The following PDGFD variants were observed in gnomAD, a reference collection of about 807,000 sequenced individuals.
PDGFD encodes platelet-derived growth factor D.
A neutral mutation model predicts 44.7 loss-of-function variants in PDGFD; 30 were observed. The ratio of observed to expected loss-of-function variants is 0.67; its 90% CI spans 0.50 to 0.91. PDGFD has a LOEUF of 0.91. Among genes scored for constraint, PDGFD ranks in the 40% least tolerant of loss-of-function variants. PDGFD has a pLI of 0.00. For synonymous variants in PDGFD, 173 were observed against 168.4 expected, an observed-to-expected ratio of 1.03 and a Z score of -0.21; for missense variants, 445 against 457.8, an observed-to-expected ratio of 0.97 and a Z score of 0.25.
chr11:103,972,540 T>C (rs1407524953), intron 3 of PDGFD, among the ~76,000 whole-genome samples: 1 of 152,142 alleles, frequency 6.6e-6, no homozygotes, highest in African/African-American at 2.4e-5. Context: ...CTATCCTGGC[T>C]TCGTGACATT....
intron 1 of PDGFD, among the ~76,000 whole-genome samples, chr11:104,103,129 C>T (rs1861418959): frequency 6.6e-6 from 1 of 152,078 alleles, no homozygotes; most frequent in Non-Finnish European, 1.5e-5. Flanking sequence ...AGTCACTTAC[C>T]ATTTCTGTGA....
intron 3 of PDGFD, among the ~76,000 whole-genome samples, chr11:103,990,306 C>A (rs951862223): frequency 1.3e-5 from 2 of 152,202 alleles, no homozygotes; most frequent in African/African-American, 4.8e-5. Flanking sequence ...GCTTAGTGCA[C>A]TCTTCTTCCA....
chr11:104,146,214 T>A (rs1862160406), intron 1 of PDGFD, among the ~76,000 whole-genome samples: 1 of 152,218 alleles, frequency 6.6e-6, no homozygotes, highest in Admixed American at 6.5e-5. Context: ...CACACAACAT[T>A]TAATTAAATT....
chr11:104,009,672 G>A (rs1259035695), intron 1 of PDGFD, among the ~76,000 whole-genome samples: 1 of 152,042 alleles, frequency 6.6e-6, no homozygotes. Flanking sequence ...TTGTACAACA[G>A]ACCCTAAAAT....
Position 103,909,701 on chromosome 11 carries a change from G to C in PDGFD, c.1106C>G (p.Pro369Arg), listed in dbSNP as rs1857998023. 1 of 1,613,940 alleles carries C rather than the reference G, an allele frequency of 6.2e-7. No homozygotes were observed. The highest frequency in any genetic ancestry group is 8.5e-7 in the Non-Finnish European group (1 of 1,179,934). The change falls in exon 7 of 7, where the codon CCT (proline) becomes CGT (arginine). Residue 369 changes from proline (P) to arginine (R), a missense_variant. Coordinates refer to ENST00000393158, the MANE Select transcript of PDGFD (RefSeq NM_025208.5). ...RCDCICSSRP[P>R]R ...AAGGATGTGCACATTCTCTTATCGA[G>C]GTGGTCTTGAGCTGCAGATACAATC...
chr11:104,124,412 T>C (rs1861815826), intron 1 of PDGFD, among the ~76,000 whole-genome samples: 1 of 152,068 alleles, frequency 6.6e-6, no homozygotes, highest in Non-Finnish European at 1.5e-5. Context: ...AAGTCCTGTA[T>C]CAACTTCCAT....
chr11:104,020,887 T>C (rs1859939777), intron 1 of PDGFD, among the ~76,000 whole-genome samples: 1 of 152,150 alleles, frequency 6.6e-6, no homozygotes, highest in Admixed American at 6.6e-5. Flanking sequence ...AAACAAAATC[T>C]TGGATTAAGG....
chr11:104,157,144 A>G lies in PDGFD; in HGVS notation c.124+6660T>C, dbSNP rs1264706457. Among the ~76,000 whole-genome samples the G allele has an allele frequency of 2.6e-5, 4 of 152,230 alleles. 1 individual carries two copies. The highest frequency in any genetic ancestry group is 2.1e-4 in the South Asian group (1 of 4,834). ...AGACCTCAGATACAGTTACAAAATA[A>G]TATCTGCTGTGCTGAGCGCAGAGCG... On this transcript the variant is annotated intron_variant, in intron 1 of 6. Transcript: ENST00000393158.
chr11:104,023,335 G>C (rs1732183549), intron 1 of PDGFD, among the ~76,000 whole-genome samples: 1 of 152,036 alleles, frequency 6.6e-6, no homozygotes, highest in South Asian at 2.1e-4. Context: ...GGCTTTACAG[G>C]AGCTCTTGAT....
chr11:103,968,719 G>C (rs1464242676), intron 3 of PDGFD, among the ~76,000 whole-genome samples: 1 of 152,146 alleles, frequency 6.6e-6, no homozygotes, highest in Non-Finnish European at 1.5e-5. Context: ...CCATTGGCCT[G>C]CCATATTGGT....
intron 1 of PDGFD, among the ~76,000 whole-genome samples, chr11:104,063,655 A>T (rs1471928347): frequency 3.3e-5 from 5 of 152,168 alleles, no homozygotes; most frequent in African/African-American, 1.2e-4. Context: ...GGAAACTTAC[A>T]ATCATGACAG....
chr11:104,153,748 T>C (rs750160051), intron 1 of PDGFD, among the ~76,000 whole-genome samples: 29 of 152,204 alleles, frequency 1.9e-4, no homozygotes, highest in Non-Finnish European at 2.9e-4. Flanking sequence ...TGATTACTCA[T>C]TGTATACCTC....
At chr11:104,047,910 C>G (rs919191385) in intron 1 of PDGFD, among the ~76,000 whole-genome samples, 1 of 152,080 alleles carries the variant, frequency 6.6e-6, no homozygotes, top group Admixed American at 6.6e-5. Flanking sequence ...TACATTCATT[C>G]ATAGTTGGCC....
At chr11:104,102,931 G>T (rs1861414716) in intron 1 of PDGFD, among the ~76,000 whole-genome samples, 1 of 152,126 alleles carries the variant, frequency 6.6e-6, no homozygotes, top group South Asian at 2.1e-4. Context: ...CCTGTTGTGG[G>T]CTGGGGGGAG....
At chr11:103,928,453 G>GA (rs1451907183) in intron 5 of PDGFD, among the ~76,000 whole-genome samples, 1 of 152,100 alleles carries the variant, frequency 6.6e-6, no homozygotes. Context: ...GGAGAAGGAA[G>GA]AAAAAAAGCC....
chr11:104,027,291 T>C (rs1365689250), intron 1 of PDGFD, among the ~76,000 whole-genome samples: 1 of 152,242 alleles, frequency 6.6e-6, no homozygotes, highest in Non-Finnish European at 1.5e-5. Context: ...TGACAGCACC[T>C]GGTTCTAGTC....
At chr11:103,965,084 C>T (rs1261350856) in intron 3 of PDGFD, among the ~76,000 whole-genome samples, 2 of 151,592 alleles carry the variant, frequency 1.3e-5, no homozygotes, top group African/African-American at 4.9e-5. Context: ...TAAAATAAAT[C>T]CTCTGAAAAG....
chr11:104,082,967 C>G lies in PDGFD; in HGVS notation c.124+80837G>C, dbSNP rs73608352. 2.5e-3 allele frequency among the ~76,000 whole-genome samples: 375 copies of G among 152,244 alleles called. 2 individuals are homozygous for G. The highest frequency in any genetic ancestry group is 8.7e-3 in the African/African-American group (360 of 41,546). On this transcript the variant is annotated intron_variant, in intron 1 of 6. Transcript: ENST00000393158. ...TATCCTGTCTCTTACCACCACTATA[C>G]TAGCTGTGGCCAAAGTACGGTCACC...
chr11:103,931,931 G>T (rs1208376546), intron 5 of PDGFD, among the ~76,000 whole-genome samples: 3 of 152,164 alleles, frequency 2.0e-5, no homozygotes, highest in Non-Finnish European at 4.4e-5. Flanking sequence ...TGGAGAATGA[G>T]CACTCAAAGT....
Sources: allele counts gnomAD v4.1 joint callset (sites outside exome capture counted in the v4.1 genomes callset), GRCh38; gene constraint gnomAD v4.1.1; transcripts MANE v1.5; gene names NCBI Gene and HGNC (gene_info 2026-07-23, HGNC 2026-07-21).